The following DRD3 variants were observed in gnomAD, a reference collection of about 807,000 sequenced individuals.
DRD3 encodes dopamine receptor D3.
Under a neutral mutation model 36.3 loss-of-function variants are expected in DRD3, and 19 were observed. The observed-to-expected ratio is 0.52, with a 90% CI of 0.36 to 0.77. The LOEUF (loss-of-function observed/expected upper bound fraction) is 0.77. Ranked by LOEUF, DRD3 falls within the 30% of genes least tolerant of loss-of-function variation. The pLI is 0.00. For synonymous variants in DRD3, 195 were observed against 203.7 expected (o/e 0.96, Z 0.36); for missense variants, 465 against 505.3 (o/e 0.92, Z 0.77).
intron 4 of DRD3, among the ~76,000 whole-genome samples, chr3:114,145,353 T>C (rs1037886446): frequency 6.6e-6 from 1 of 152,238 alleles, no homozygotes; most frequent in African/African-American, 2.4e-5. Context: ...TGTTAAGGGA[T>C]GTTGCTTTGT....
chr3:114,193,434 C>T (rs923584348), intron 1 of DRD3, among the ~76,000 whole-genome samples: 2 of 152,216 alleles, frequency 1.3e-5, no homozygotes, highest in Non-Finnish European at 1.5e-5. Flanking sequence ...AATGCTTATC[C>T]ATGGGGTCAG....
chr3:114,156,767 C>CTTACTTTCTTTCTT (rs2077676991), intron 3 of DRD3, among the ~76,000 whole-genome samples: 1 of 98,786 alleles, frequency 1.0e-5, no homozygotes, highest in African/African-American at 3.7e-5. Flanking sequence ...TTCTTTCTTT[C>CTTACTTTCTTTCTT]TTTCTTTCTT....
rs375316865 is a variant in DRD3, at chr3:114,165,142, ATG to A, written c.271-5277_271-5276del. On this transcript the variant is annotated intron_variant, in intron 2 of 6. Coordinates refer to ENST00000383673, the MANE Select transcript of DRD3 (RefSeq NM_000796.6). ...ATAATTGTCAAAGTATTTAAAATAT[ATG>A]TGTTTCTTTAATAATTCATTAAATA... 2.4e-3 allele frequency among the ~76,000 whole-genome samples: 370 copies of A among 152,362 alleles called. 4 individuals are homozygous for A. Among genetic ancestry groups the A allele is most frequent in the African/African-American group, 7.9e-3 (329 of 41,586 alleles).
chr3:114,158,631 T>G (rs1035499925), intron 3 of DRD3, among the ~76,000 whole-genome samples: 1 of 152,238 alleles, frequency 6.6e-6, no homozygotes, highest in African/African-American at 2.4e-5. Flanking sequence ...TGGTCCCTGT[T>G]TGAAGGTAGC....
At chr3:114,148,435 C>T (rs2077588001) in intron 3 of DRD3, among the ~76,000 whole-genome samples, 1 of 152,146 alleles carries the variant, frequency 6.6e-6, no homozygotes, top group African/African-American at 2.4e-5. Context: ...ATCCAGTTTT[C>T]ATTCTTTTAC....
At chr3:114,145,697 G>T (rs2077564283) in intron 4 of DRD3, among the ~76,000 whole-genome samples, 1 of 152,104 alleles carries the variant, frequency 6.6e-6, no homozygotes, top group Non-Finnish European at 1.5e-5. Flanking sequence ...AAATTATATA[G>T]ACTCCAAATT....
At chr3:114,179,339 G>A (rs908021342), upstream of DRD3, among the ~76,000 whole-genome samples, 1 of 152,116 alleles carries the variant, frequency 6.6e-6, no homozygotes, top group Admixed American at 6.6e-5. Context: ...GGAAAAGAAG[G>A]TTAAAGGAAA....
chr3:114,155,052 C>T (rs2077652731), intron 3 of DRD3, among the ~76,000 whole-genome samples: 1 of 152,162 alleles, frequency 6.6e-6, no homozygotes, highest in Admixed American at 6.5e-5. Context: ...TTATCATTTC[C>T]TTTTCTTTCA....
At chr3:114,152,952 G>T (rs1050644277) in intron 3 of DRD3, among the ~76,000 whole-genome samples, 10 of 152,236 alleles carry the variant, frequency 6.6e-5, no homozygotes, top group African/African-American at 2.4e-4. Flanking sequence ...TGCCAGCCTC[G>T]CACTGTGCGC....
At chr3:114,159,938 C>T (rs571201566) in intron 2 of DRD3, 71 bp from the exon 3 acceptor site, 1 of 1,349,642 alleles carries the variant, frequency 7.4e-7, no homozygotes, top group East Asian at 2.3e-5. Context: ...GCCCTATTTT[C>T]TTTGCTTTGC....
At chr3:114,196,911 T>C (rs1316051608) in intron 1 of DRD3, among the ~76,000 whole-genome samples, 2 of 152,006 alleles carry the variant, frequency 1.3e-5, no homozygotes, top group African/African-American at 4.8e-5. Flanking sequence ...GTAAATATAT[T>C]TTTCCCAGTC....
intron 5 of DRD3, among the ~76,000 whole-genome samples, chr3:114,133,067 T>G (rs1193690138): frequency 6.6e-6 from 1 of 151,886 alleles, no homozygotes; most frequent in Non-Finnish European, 1.5e-5. Context: ...CTCGGTTCAC[T>G]GCAACCTCTG....
intron 1 of DRD3, among the ~76,000 whole-genome samples, chr3:114,186,596 C>T (rs957063753): frequency 5.9e-5 from 9 of 152,204 alleles, no homozygotes; most frequent in Non-Finnish European, 7.4e-5. Flanking sequence ...TCTTTTTGCC[C>T]ACTCTGGCTC....
intron 1 of DRD3, among the ~76,000 whole-genome samples, chr3:114,196,385 G>A (rs1347492398): frequency 6.6e-6 from 1 of 152,064 alleles, no homozygotes; most frequent in African/African-American, 2.4e-5. Context: ...CATGATCATA[G>A]CTCACTGAAG....
Position 114,164,746 on chromosome 3 carries a change from T to C in DRD3, c.271-4879A>G, listed in dbSNP as rs561351584. Among the ~76,000 whole-genome samples, 5 of 152,344 alleles carry C rather than the reference T, an allele frequency of 3.3e-5. No individual in the cohort carries two copies. In the South Asian group the frequency reaches 8.3e-4, roughly 25 times the overall value. ...CCTTCTCAGAAGAATGCTTTTCTTCTTTTTATTTTTCTGTTTTCTTTTTTG... is the reference window on the plus strand; with the variant it reads ...CCTTCTCAGAAGAATGCTTTTCTTCCTTTTATTTTTCTGTTTTCTTTTTTG... On this transcript the variant is annotated intron_variant, in intron 2 of 6. Coordinates refer to ENST00000383673, the MANE Select transcript of DRD3 (RefSeq NM_000796.6).
At chr3:114,195,398 T>C (rs1410751429) in intron 1 of DRD3, among the ~76,000 whole-genome samples, 1 of 152,192 alleles carries the variant, frequency 6.6e-6, no homozygotes, top group Non-Finnish European at 1.5e-5. Context: ...CCAAGGATGA[T>C]TGACATACCC....
At chr3:114,167,128 G>A (rs146237618) in intron 2 of DRD3, among the ~76,000 whole-genome samples, 5 of 152,104 alleles carry the variant, frequency 3.3e-5, no homozygotes, top group African/African-American at 1.2e-4. Context: ...CGCTTTTTCT[G>A]TGGTGCGTTT....
At chr3:114,188,387 T>G (rs1381404100) in intron 1 of DRD3, among the ~76,000 whole-genome samples, 1 of 151,996 alleles carries the variant, frequency 6.6e-6, no homozygotes, top group Non-Finnish European at 1.5e-5. Flanking sequence ...AATTTTTGTA[T>G]TTTTAGTAGA....
At chr3:114,151,074 T>C (rs2077612631) in intron 3 of DRD3, among the ~76,000 whole-genome samples, 1 of 152,246 alleles carries the variant, frequency 6.6e-6, no homozygotes, top group Admixed American at 6.5e-5. Flanking sequence ...TCCCTTCATC[T>C]GATGCAAGTC....
Sources: allele counts gnomAD v4.1 joint callset (sites outside exome capture counted in the v4.1 genomes callset), GRCh38; gene constraint gnomAD v4.1.1; transcripts MANE v1.5; gene names NCBI Gene and HGNC (gene_info 2026-07-23, HGNC 2026-07-21).